Variants in LHFPL6 observed in about 807,000 individuals in gnomAD.
LHFPL6 encodes LHFPL tetraspan subfamily member 6.
Under a neutral mutation model 20.6 loss-of-function variants are expected in LHFPL6, and 9 were observed. The ratio of observed to expected loss-of-function variants is 0.44; its 90% CI spans 0.26 to 0.76. The LOEUF is 0.76. Ranked by LOEUF, LHFPL6 falls within the 30% of genes least tolerant of loss-of-function variation. The pLI is 0.20. For missense variants in LHFPL6, 218 were observed against 253.5 expected (o/e 0.86, Z 0.95); for synonymous variants, 105 against 98.7 (o/e 1.06, Z -0.38).
At chr13:39,406,350 A>G (rs1480517196) in intron 2 of LHFPL6, among the ~76,000 whole-genome samples, 2 of 152,210 alleles carry the variant, frequency 1.3e-5, no homozygotes, top group Non-Finnish European at 2.9e-5. Flanking sequence ...AAAATATTTT[A>G]AAATTCTCTT....
chr13:39,400,059 C>T (rs192367732), intron 2 of LHFPL6, among the ~76,000 whole-genome samples: 2 of 152,268 alleles, frequency 1.3e-5, no homozygotes, highest in African/African-American at 2.4e-5. Context: ...CACCACTGCA[C>T]TCCAGCCTGG....
intron 2 of LHFPL6, among the ~76,000 whole-genome samples, chr13:39,493,434 T>C (rs1868997953): frequency 2.0e-5 from 3 of 152,106 alleles, no homozygotes; most frequent in African/African-American, 4.8e-5. Context: ...AATAAAAGAA[T>C]CATAAATTAT....
At chr13:39,393,944 C>A (rs183309435) in intron 2 of LHFPL6, among the ~76,000 whole-genome samples, 185 of 152,020 alleles carry the variant, frequency 1.2e-3, no homozygotes, top group African/African-American at 4.1e-3. Context: ...ATTTCCTTTC[C>A]TTTTTTCTTT....
At chr13:39,584,545 C>A (rs1046803700) in intron 2 of LHFPL6, among the ~76,000 whole-genome samples, 6 of 145,170 alleles carry the variant, frequency 4.1e-5, no homozygotes, top group Non-Finnish European at 7.6e-5. Context: ...AAAAAAAAAA[C>A]CATTAATTTT....
intron 2 of LHFPL6, among the ~76,000 whole-genome samples, chr13:39,430,320 G>A (rs1239172556): frequency 1.3e-5 from 2 of 152,204 alleles, no homozygotes; most frequent in African/African-American, 4.8e-5. Flanking sequence ...CTGATGTAGG[G>A]GGTATAAATT....
intron 2 of LHFPL6, among the ~76,000 whole-genome samples, chr13:39,482,500 A>G (rs1306042549): frequency 6.6e-6 from 1 of 152,188 alleles, no homozygotes; most frequent in Admixed American, 6.5e-5. Context: ...CAAGCACAGG[A>G]AGATAAGAAT....
At chr13:39,569,948 G>C (rs1175359444) in intron 2 of LHFPL6, among the ~76,000 whole-genome samples, 1 of 152,166 alleles carries the variant, frequency 6.6e-6, no homozygotes, top group Non-Finnish European at 1.5e-5. Flanking sequence ...GACTCTGACT[G>C]TCCAGAAGGA....
At chr13:39,397,528 CTTAA>C (rs1237520866) in intron 2 of LHFPL6, among the ~76,000 whole-genome samples, 2 of 152,216 alleles carry the variant, frequency 1.3e-5, no homozygotes, top group Non-Finnish European at 2.9e-5. Context: ...CCGACTTTTA[CTTAA>C]TTAATTCTTG....
At chr13:39,557,196 A>C (rs1871331816) in intron 2 of LHFPL6, among the ~76,000 whole-genome samples, 1 of 152,232 alleles carries the variant, frequency 6.6e-6, no homozygotes, top group African/African-American at 2.4e-5. Flanking sequence ...GAAGCCTAGA[A>C]GGAGAAAGCA....
intron 2 of LHFPL6, among the ~76,000 whole-genome samples, chr13:39,589,528 T>C (rs540184892): frequency 7.2e-5 from 11 of 152,306 alleles, no homozygotes; most frequent in African/African-American, 2.4e-4. Context: ...CATTTAAAAA[T>C]CTCTGAGAAA....
At chr13:39,388,594 T>C (rs1870625925) in intron 2 of LHFPL6, among the ~76,000 whole-genome samples, 1 of 152,096 alleles carries the variant, frequency 6.6e-6, no homozygotes, top group Non-Finnish European at 1.5e-5. Flanking sequence ...ATCTGTAAAA[T>C]GGGGGAAAAT....
At chr13:39,394,189 C>T (rs916358982) in intron 2 of LHFPL6, among the ~76,000 whole-genome samples, 7 of 152,176 alleles carry the variant, frequency 4.6e-5, no homozygotes, top group Non-Finnish European at 8.8e-5. Flanking sequence ...ATCCTCCTGC[C>T]GGAGCCTCCT....
chr13:39,510,143 T>G (rs750559989), intron 2 of LHFPL6, among the ~76,000 whole-genome samples: 9 of 152,202 alleles, frequency 5.9e-5, no homozygotes, highest in Non-Finnish European at 1.0e-4. Context: ...TGAGGCGTAA[T>G]GATAAATATG....
At chr13:39,421,101 C>T (rs926359054) in intron 2 of LHFPL6, among the ~76,000 whole-genome samples, 1 of 20,534 alleles carries the variant, frequency 4.9e-5, no homozygotes, top group African/African-American at 5.3e-5. Flanking sequence ...ATAACAACAA[C>T]AACAAAAAAA....
chr13:39,475,981 G>A (rs1048519658), intron 2 of LHFPL6, among the ~76,000 whole-genome samples: 2 of 152,146 alleles, frequency 1.3e-5, no homozygotes, highest in Non-Finnish European at 2.9e-5. Flanking sequence ...TGTAGGTAAT[G>A]AGTATGTGCA....
intron 2 of LHFPL6, among the ~76,000 whole-genome samples, chr13:39,437,733 T>C (rs1202664548): frequency 6.6e-6 from 1 of 151,924 alleles, no homozygotes; most frequent in African/African-American, 2.4e-5. Context: ...AAACCCCATC[T>C]CTACTAAAAA....
chr13:39,547,344 T>C (rs1411722287), intron 2 of LHFPL6, among the ~76,000 whole-genome samples: 1 of 152,106 alleles, frequency 6.6e-6, no homozygotes, highest in Non-Finnish European at 1.5e-5. Flanking sequence ...CCATTCATCT[T>C]GTATCCCCAA....
intron 2 of LHFPL6, among the ~76,000 whole-genome samples, chr13:39,587,867 G>A (rs75592703): frequency 1.3e-5 from 2 of 152,012 alleles, no homozygotes. Context: ...TCTGATGAGA[G>A]CTGGGATCAT....
chr13:39,445,246 G>GAC (rs1055477587), intron 2 of LHFPL6, among the ~76,000 whole-genome samples: 67 of 152,136 alleles, frequency 4.4e-4, no homozygotes, highest in African/African-American at 1.4e-3. Flanking sequence ...GCATGAAATG[G>GAC]ACACAGTCCC....
Sources: allele counts gnomAD v4.1 joint callset (sites outside exome capture counted in the v4.1 genomes callset), GRCh38; gene constraint gnomAD v4.1.1; transcripts MANE v1.5; gene names NCBI Gene and HGNC (gene_info 2026-07-23, HGNC 2026-07-21).